The following ADGRL2 variants were observed in gnomAD, a reference collection of about 807,000 sequenced individuals.
The protein encoded by ADGRL2 is adhesion G protein-coupled receptor L2, also known as calcium-independent alpha-latrotoxin receptor 2.
Under a neutral mutation model 157.4 loss-of-function variants are expected in ADGRL2, and 44 were observed. The observed-to-expected ratio is 0.28, with a 90% CI of 0.22 to 0.36. The LOEUF (loss-of-function observed/expected upper bound fraction) is 0.36. Ranked by LOEUF, ADGRL2 falls within the 10% of genes least tolerant of loss-of-function variation. The pLI is 1.00. For synonymous variants in ADGRL2, 585 were observed against 624.7 expected, an observed-to-expected ratio of 0.94 and a Z score of 0.95; for missense variants, 1,510 against 1,768.9, an observed-to-expected ratio of 0.85 and a Z score of 2.63.
chr1:81,952,557 A>G (rs913808090), intron 9 of ADGRL2, among the ~76,000 whole-genome samples: 6 of 152,112 alleles, frequency 3.9e-5, no homozygotes, highest in African/African-American at 1.4e-4. Flanking sequence ...TTTCAATGGC[A>G]GCTTTTGGAA....
chr1:81,689,081 G>A (rs529163716), intron 3 of ADGRL2, among the ~76,000 whole-genome samples: 11 of 152,282 alleles, frequency 7.2e-5, no homozygotes, highest in Admixed American at 1.3e-4. Flanking sequence ...TCTGGTGGAC[G>A]TGGTGAAGGG....
At chr1:81,503,620 A>G (rs1424243994) in intron 2 of ADGRL2, among the ~76,000 whole-genome samples, 1 of 152,188 alleles carries the variant, frequency 6.6e-6, no homozygotes, top group East Asian at 1.9e-4. Flanking sequence ...TCCAGGCTCC[A>G]TTCAGGTCCT....
At chr1:81,768,217 T>TA (rs1405120007) in intron 2 of ADGRL2, among the ~76,000 whole-genome samples, 1 of 151,978 alleles carries the variant, frequency 6.6e-6, no homozygotes, top group African/African-American at 2.4e-5. Flanking sequence ...AGTTAATTCT[T>TA]AAAATTTTTT....
intron 1 of ADGRL2, among the ~76,000 whole-genome samples, chr1:81,312,066 A>G (rs910910393): frequency 6.6e-6 from 1 of 152,224 alleles, no homozygotes; most frequent in Non-Finnish European, 1.5e-5. Context: ...TTAATCTTAA[A>G]GGAAATTATT....
intron 2 of ADGRL2, among the ~76,000 whole-genome samples, chr1:81,509,359 C>G (rs2079035239): frequency 6.6e-6 from 1 of 151,756 alleles, no homozygotes; most frequent in African/African-American, 2.4e-5. Context: ...GAAAAAATAC[C>G]TAAGTGATAT....
chr1:81,686,004 T>C (rs1242637657), intron 3 of ADGRL2, among the ~76,000 whole-genome samples: 2 of 152,232 alleles, frequency 1.3e-5, no homozygotes, highest in Non-Finnish European at 2.9e-5. Context: ...TCATGGTGGA[T>C]TATCTTTTTG....
intron 2 of ADGRL2, among the ~76,000 whole-genome samples, chr1:81,459,812 GTA>G (rs71085362): frequency 0.72 from 103,516 of 144,564 alleles, 37,737 homozygotes; most frequent in East Asian, 0.89. Context: ...GTATGTGTTT[GTA>G]TATATATATA....
At chr1:81,846,669 T>C (rs2092802921) in intron 2 of ADGRL2, among the ~76,000 whole-genome samples, 1 of 148,460 alleles carries the variant, frequency 6.7e-6, no homozygotes, top group African/African-American at 2.6e-5. Flanking sequence ...TATTAATCAT[T>C]AATTAGTTCT....
intron 22 of ADGRL2, 32 bp downstream of exon 22, chr1:81,987,061 C>G: frequency 6.2e-7 from 1 of 1,605,806 alleles, no homozygotes; most frequent in Admixed American, 1.7e-5. Context: ...AACTACCTTT[C>G]TTTGCTGCTA....
At chr1:81,668,463 G>C (rs1239432764) in intron 3 of ADGRL2, among the ~76,000 whole-genome samples, 1 of 151,024 alleles carries the variant, frequency 6.6e-6, no homozygotes, top group African/African-American at 2.4e-5. Flanking sequence ...TTGCCCCCTT[G>C]TGTATGTTAT....
At position 81,992,513 on chromosome 1, in the gene ADGRL2, T is replaced by C. The variant is rs1051887905; in HGVS notation, c.*1368T>C. 3.9e-5 allele frequency: 6 copies of C among 152,484 alleles called. No homozygotes were observed. The highest frequency in any genetic ancestry group is 1.2e-4 in the African/African-American group (5 of 41,456). 9.4% of individuals were successfully genotyped at this position (152,484 alleles called of 1,614,324 possible). ...TGGTTTAAGTAACGTCATACCAAAG[T>C]CCATGGATATATGAAAGGATACAAT... On this transcript the variant is annotated 3_prime_UTR_variant, in exon 24 of 24. Transcript: ENST00000686636.
chr1:81,392,367 G>A (rs1488939999), intron 1 of ADGRL2, among the ~76,000 whole-genome samples: 1 of 152,022 alleles, frequency 6.6e-6, no homozygotes, highest in African/African-American at 2.4e-5. Flanking sequence ...CCTGCCTTCC[G>A]GTGTAACTTT....
intron 23 of ADGRL2, among the ~76,000 whole-genome samples, chr1:81,988,767 T>C (rs1663915092): frequency 6.8e-6 from 1 of 146,840 alleles, no homozygotes; most frequent in South Asian, 2.1e-4. Flanking sequence ...GATACAGATA[T>C]TTTTTTTTTC....
chr1:81,522,026 G>A (rs984324024), intron 2 of ADGRL2, among the ~76,000 whole-genome samples: 4 of 149,906 alleles, frequency 2.7e-5, no homozygotes, highest in Non-Finnish European at 4.4e-5. Context: ...GTGCAGTGGT[G>A]CAATCTCGGC....
At chr1:81,941,347 T>C (rs1172935223) in intron 4 of ADGRL2, among the ~76,000 whole-genome samples, 1 of 151,476 alleles carries the variant, frequency 6.6e-6, no homozygotes, top group Non-Finnish European at 1.5e-5. Context: ...CTACTGGTGA[T>C]GGGGGGATAT....
At chr1:81,378,777 T>C (rs1254677966) in intron 1 of ADGRL2, among the ~76,000 whole-genome samples, 1 of 152,186 alleles carries the variant, frequency 6.6e-6, no homozygotes, top group Admixed American at 6.5e-5. Flanking sequence ...ATAGATATTA[T>C]AACATTTTAA....
At chr1:81,863,716 G>A (rs1016164321) in intron 2 of ADGRL2, among the ~76,000 whole-genome samples, 1 of 152,156 alleles carries the variant, frequency 6.6e-6, no homozygotes, top group Admixed American at 6.5e-5. Flanking sequence ...TATATTGAGT[G>A]CAAGCTACAG....
At chr1:81,345,937 T>A (rs1201915964) in intron 1 of ADGRL2, among the ~76,000 whole-genome samples, 3 of 152,188 alleles carry the variant, frequency 2.0e-5, no homozygotes, top group Admixed American at 2.0e-4. Flanking sequence ...TATTCTGGAT[T>A]CTGAATTTTA....
intron 2 of ADGRL2, among the ~76,000 whole-genome samples, chr1:81,571,363 A>T (rs959060239): frequency 6.8e-6 from 1 of 146,978 alleles, no homozygotes; most frequent in Admixed American, 6.9e-5. Flanking sequence ...TATATATATA[A>T]TATATATTTG....
Sources: allele counts gnomAD v4.1 joint callset (sites outside exome capture counted in the v4.1 genomes callset), GRCh38; gene constraint gnomAD v4.1.1; transcripts MANE v1.5; gene names NCBI Gene and HGNC (gene_info 2026-07-23, HGNC 2026-07-21).